Variants in MACROD2 observed in about 807,000 individuals in gnomAD.
MACROD2 encodes the protein mono-ADP ribosylhydrolase 2.
MACROD2 carries 36 observed loss-of-function variants against 70.4 expected under a neutral mutation model. The ratio of observed to expected loss-of-function variants is 0.51; its 90% CI spans 0.39 to 0.68. MACROD2 has a LOEUF of 0.68. Among genes scored for constraint, MACROD2 ranks in the 30% least tolerant of loss-of-function variants. MACROD2 has a pLI of 0.00. For synonymous variants in MACROD2, 172 were observed against 178.8 expected (o/e 0.96, Z 0.30); for missense variants, 496 against 538.4 (o/e 0.92, Z 0.78).
At chr20:14,524,017 A>T (rs2085200247) in intron 4 of MACROD2, among the ~76,000 whole-genome samples, 2 of 152,116 alleles carry the variant, frequency 1.3e-5, no homozygotes, top group Non-Finnish European at 2.9e-5. Context: ...AAAACCATGA[A>T]CTCTAAAATG....
intron 5 of MACROD2, among the ~76,000 whole-genome samples, chr20:14,827,417 T>C (rs2072914074): frequency 6.6e-6 from 1 of 152,150 alleles, no homozygotes; most frequent in Non-Finnish European, 1.5e-5. Flanking sequence ...GTGAAAAGTA[T>C]ATTCCACATA....
intron 4 of MACROD2, among the ~76,000 whole-genome samples, chr20:14,681,001 A>G (rs544948134): frequency 2.4e-4 from 37 of 152,320 alleles, no homozygotes; most frequent in African/African-American, 8.7e-4. Flanking sequence ...AGATACTTCC[A>G]AAAATAAGAT....
At chr20:14,744,363 T>G (rs149509840) in intron 5 of MACROD2, among the ~76,000 whole-genome samples, 6 of 152,234 alleles carry the variant, frequency 3.9e-5, no homozygotes, top group African/African-American at 1.2e-4. Context: ...GTATTTACCA[T>G]GTACAACATA....
chr20:14,827,601 G>T lies in MACROD2; in HGVS notation c.418+142642G>T, dbSNP rs770113054. 2.6e-4 allele frequency among the ~76,000 whole-genome samples: 40 copies of T among 151,434 alleles called. 1 individual carries two copies. The highest frequency in any genetic ancestry group is 5.0e-4 in the Non-Finnish European group (34 of 67,846). On this transcript the variant is annotated intron_variant, in intron 5 of 17. Transcript: ENST00000684519. ...TAAAAGAAGTTTGAAATTTTCTTTT[G>T]ATCTAGGTTTTGCACCCTGATAGAC...
At chr20:14,842,515 A>G (rs983018614) in intron 5 of MACROD2, among the ~76,000 whole-genome samples, 4 of 152,156 alleles carry the variant, frequency 2.6e-5, no homozygotes, top group African/African-American at 7.2e-5. Context: ...TGTTTACAGT[A>G]TATCTGAGGA....
intron 5 of MACROD2, among the ~76,000 whole-genome samples, chr20:14,738,511 G>A (rs1236511763): frequency 6.6e-6 from 1 of 152,054 alleles, no homozygotes; most frequent in Non-Finnish European, 1.5e-5. Flanking sequence ...TCCCCTCATT[G>A]AAATGTAAGT....
At chr20:15,085,035 G>A (rs544397838) in intron 5 of MACROD2, among the ~76,000 whole-genome samples, 3 of 152,274 alleles carry the variant, frequency 2.0e-5, no homozygotes, top group African/African-American at 7.2e-5. Flanking sequence ...TCAAGATACT[G>A]TGGTACTAAT....
chr20:15,327,610 G>C (rs1015105406), intron 6 of MACROD2, among the ~76,000 whole-genome samples: 4 of 152,042 alleles, frequency 2.6e-5, no homozygotes, highest in Admixed American at 6.6e-5. Context: ...ACAGCATGGG[G>C]GTAACTGCCC....
At chr20:14,321,893 T>C (rs936769843) in intron 3 of MACROD2, among the ~76,000 whole-genome samples, 1 of 152,056 alleles carries the variant, frequency 6.6e-6, no homozygotes, top group African/African-American at 2.4e-5. Flanking sequence ...CAGTTACAAA[T>C]GGCTGCATCT....
At chr20:14,538,796 G>A (rs889372192) in intron 4 of MACROD2, among the ~76,000 whole-genome samples, 1 of 152,052 alleles carries the variant, frequency 6.6e-6, no homozygotes, top group African/African-American at 2.4e-5. Context: ...CTTACTCTAG[G>A]CATCTTATTA....
chr20:15,280,494 A>G (rs1423909443), intron 6 of MACROD2, among the ~76,000 whole-genome samples: 2 of 152,182 alleles, frequency 1.3e-5, no homozygotes, highest in African/African-American at 4.8e-5. Flanking sequence ...TGAAGAGTCC[A>G]TATTTTTGCT....
intron 5 of MACROD2, among the ~76,000 whole-genome samples, chr20:14,830,062 G>A (rs897934999): frequency 6.6e-6 from 1 of 152,084 alleles, no homozygotes; most frequent in Non-Finnish European, 1.5e-5. Flanking sequence ...AAGAAAAAAT[G>A]ATTCATAACC....
intron 3 of MACROD2, among the ~76,000 whole-genome samples, chr20:14,292,301 C>T (rs2038505): frequency 0.66 from 100,409 of 151,634 alleles, 34,398 homozygotes; most frequent in Non-Finnish European, 0.74. Context: ...AGACACTTAC[C>T]AATGTCTGAA....
chr20:14,386,351 C>T (rs1449700866), intron 3 of MACROD2, among the ~76,000 whole-genome samples: 1 of 152,228 alleles, frequency 6.6e-6, no homozygotes, highest in Non-Finnish European at 1.5e-5. Context: ...CTGCCATACT[C>T]TACCCACAGA....
intron 5 of MACROD2, among the ~76,000 whole-genome samples, chr20:15,118,923 AGCAGTGTGCACT>A (rs985457239): frequency 5.9e-5 from 9 of 152,314 alleles, no homozygotes; most frequent in African/African-American, 2.2e-4. Flanking sequence ...TTTTTATTTG[AGCAGTGTGCACT>A]GCCATGAGAG....
chr20:15,039,388 TTTATGG>T (rs2075338021), intron 5 of MACROD2, among the ~76,000 whole-genome samples: 1 of 152,100 alleles, frequency 6.6e-6, no homozygotes, highest in African/African-American at 2.4e-5. Flanking sequence ...TTTTCTAGGT[TTTATGG>T]CTTTCTTTGG....
chr20:15,967,742 A>T (rs543860691), intron 13 of MACROD2, 112 bp downstream of exon 13: 1 of 890,344 alleles, frequency 1.1e-6, no homozygotes, highest in Admixed American at 2.9e-5. Flanking sequence ...TTGAATTCCA[A>T]TAACACTTTA....
intron 8 of MACROD2, among the ~76,000 whole-genome samples, chr20:15,619,340 AC>A (rs1238594710): frequency 6.6e-6 from 1 of 152,208 alleles, no homozygotes; most frequent in Non-Finnish European, 1.5e-5. Context: ...CCAGTAATAA[AC>A]AAAGACAGCT....
intron 7 of MACROD2, among the ~76,000 whole-genome samples, chr20:15,499,544 T>C (rs548108514): frequency 1.3e-5 from 2 of 152,320 alleles, no homozygotes; most frequent in African/African-American, 4.8e-5. Flanking sequence ...ACAATTAAAT[T>C]ATTTATTGTC....
Sources: allele counts gnomAD v4.1 joint callset (sites outside exome capture counted in the v4.1 genomes callset), GRCh38; gene constraint gnomAD v4.1.1; transcripts MANE v1.5; gene names NCBI Gene and HGNC (gene_info 2026-07-23, HGNC 2026-07-21).